The following NRXN1 variants were observed in gnomAD, a reference collection of about 807,000 sequenced individuals.
The protein encoded by NRXN1 is neurexin-1.
Under a neutral mutation model 150.9 loss-of-function variants are expected in NRXN1, and 39 were observed. That is an observed-to-expected ratio of 0.26 (90% CI 0.20 to 0.34). The LOEUF is 0.34. NRXN1 is among the 10% of genes least tolerant of loss of function. The pLI, the probability that NRXN1 is intolerant of heterozygous loss-of-function variation, is 1.00. For synonymous variants in NRXN1, 924 were observed against 757.0 expected (o/e 1.22, Z -3.62); for missense variants, 1,815 against 1,949.9 (o/e 0.93, Z 1.30).
At chr2:50,353,071 C>CTCAAA (rs2078541606) in intron 17 of NRXN1, among the ~76,000 whole-genome samples, 1 of 152,138 alleles carries the variant, frequency 6.6e-6, no homozygotes, top group East Asian at 1.9e-4. Context: ...ACTCAAGTCA[C>CTCAAA]TCAAATTGAA....
chr2:51,028,117 C>G lies in NRXN1; in HGVS notation c.157G>C (p.Glu53Gln), dbSNP rs1323402886. ...CGAGTCTTGAGCTGGAAGCTCATCT[C>G]GCTCTCGCAGCAGGCGTTCCACTTG... Reference protein sequence around the residue: ...FPKWNACCESEMSFQLKTRSA... With the variant: ...FPKWNACCESQMSFQLKTRSA... Residue 53 changes from glutamate (E) to glutamine (Q), a missense_variant, in exon 2 of 23, where the codon GAG (glutamate) becomes CAG (glutamine). Transcript: ENST00000401669. 1 of 1,574,028 alleles carries G rather than the reference C, an allele frequency of 6.4e-7. No individual in the cohort carries two copies. Among genetic ancestry groups the G allele is most frequent in the East Asian group, 2.3e-5 (1 of 43,520 alleles).
chr2:50,202,411 C>G (rs1408115349), intron 18 of NRXN1, among the ~76,000 whole-genome samples: 6 of 152,018 alleles, frequency 3.9e-5, no homozygotes, highest in Admixed American at 6.6e-5. Context: ...GAGACTAAGG[C>G]AGGAGAATTG....
chr2:50,504,285 G>A lies in NRXN1; in HGVS notation c.2497+2210C>T, dbSNP rs192287330. The stretch of plus-strand genomic sequence containing the variant: ...ATTAGAAAAATAAATTGTTATCTAT[G>A]CAAACTTTACTGAAGTCAGTGGCTT... On this transcript the variant is annotated intron_variant, in intron 13 of 22. Coordinates refer to ENST00000401669, the MANE Select transcript of NRXN1 (RefSeq NM_001330078.2). Among the ~76,000 whole-genome samples the A allele has an allele frequency of 3.7e-3, 569 of 152,204 alleles. 13 individuals are homozygous for A. The highest frequency in any genetic ancestry group is 0.032 in the Admixed American group (487 of 15,272).
intron 5 of NRXN1, among the ~76,000 whole-genome samples, chr2:50,775,197 A>T (rs917451612): frequency 1.3e-5 from 2 of 152,090 alleles, no homozygotes; most frequent in Non-Finnish European, 2.9e-5. Context: ...CCTTCAAATA[A>T]TACTGTCTAT....
At position 50,558,612 on chromosome 2, in the gene NRXN1, A is replaced by G. The variant is rs186900047; in HGVS notation, c.1321-5587T>C. ...GGCCTATTTCTGTTTCCAAGATGAT[A>G]TTGTAGTTTTTCAACAGGTATGTCA... On this transcript the variant is annotated intron_variant, in intron 8 of 22. Coordinates refer to ENST00000401669, the MANE Select transcript of NRXN1 (RefSeq NM_001330078.2). Among the ~76,000 whole-genome samples, 63 of 152,300 alleles carry G rather than the reference A, an allele frequency of 4.1e-4. No homozygotes were observed. The East Asian group carries it at 0.011, about 26-fold the overall frequency.
intron 5 of NRXN1, among the ~76,000 whole-genome samples, chr2:50,829,074 C>T (rs1022499989): frequency 2.0e-5 from 3 of 152,126 alleles, no homozygotes; most frequent in Admixed American, 6.5e-5. Context: ...CAAAAAAATA[C>T]GAAAACCAGT....
chr2:51,026,426 A>G (rs752970470), intron 2 of NRXN1: 1 of 1,605,428 alleles, frequency 6.2e-7, no homozygotes, highest in Non-Finnish European at 8.5e-7. Context: ...GGTCATTGTC[A>G]TGTAACAGCA....
chr2:50,303,657 G>T (rs2152956664), intron 17 of NRXN1, among the ~76,000 whole-genome samples: 1 of 152,136 alleles, frequency 6.6e-6, no homozygotes. Context: ...TATTTGATAA[G>T]CAGAATACAC....
intron 5 of NRXN1, among the ~76,000 whole-genome samples, chr2:50,833,970 A>G (rs1221448856): frequency 6.6e-6 from 1 of 152,230 alleles, no homozygotes; most frequent in Non-Finnish European, 1.5e-5. Context: ...TAAAAATTAC[A>G]TAAAAACAAA....
At chr2:51,011,347 TC>T (rs1667830294) in intron 2 of NRXN1, among the ~76,000 whole-genome samples, 1 of 152,038 alleles carries the variant, frequency 6.6e-6, no homozygotes, top group South Asian at 2.1e-4. Flanking sequence ...GTGTAAGTGC[TC>T]CCCTGGGGAC....
chr2:50,504,098 G>C lies in NRXN1; in HGVS notation c.2497+2397C>G, dbSNP rs527472409. ...GTGATGAAAAACAAATAAAGTTTAT[G>C]GAAATGTTCTAGATTAAAGGAGGCT... On this transcript the variant is annotated intron_variant, in intron 13 of 22. Transcript: ENST00000401669. Among the ~76,000 whole-genome samples, 6 of 145,356 alleles carry C rather than the reference G, an allele frequency of 4.1e-5. No individual in the cohort carries two copies. In the East Asian group the frequency reaches 6.2e-4, roughly 15 times the overall value.
chr2:50,392,174 A>G (rs1262790748), intron 17 of NRXN1, among the ~76,000 whole-genome samples: 1 of 152,146 alleles, frequency 6.6e-6, no homozygotes, highest in African/African-American at 2.4e-5. Context: ...AATTCATCAA[A>G]CCAAACTTAT....
At chr2:50,633,313 T>A (rs1042073750) in intron 5 of NRXN1, among the ~76,000 whole-genome samples, 6 of 152,108 alleles carry the variant, frequency 3.9e-5, no homozygotes, top group Admixed American at 3.3e-4. Context: ...TCCTATGTTT[T>A]AAAAAAGAAT....
In NRXN1 at chr2:50,734,724, A is replaced by G. The variant is rs573204524; in HGVS notation, c.833-111109T>C. ...CATTTCTCACTAGGAAAAAAAAAAA[A>G]TAAAGCAAACATATACACATAACCC... On this transcript the variant is annotated intron_variant, in intron 5 of 22. Transcript: ENST00000401669. Among the ~76,000 whole-genome samples the G allele has an allele frequency of 7.2e-5, 11 of 152,190 alleles. No individual in the cohort carries two copies. The East Asian group carries it at 1.5e-3, about 21-fold the overall frequency.
At chr2:50,466,558 C>T (rs1198427021) in intron 16 of NRXN1, 1 of 449,420 alleles carries the variant, frequency 2.2e-6, no homozygotes, top group African/African-American at 2.0e-5. Flanking sequence ...ATGGGGCAAA[C>T]ACAGAAGAAT....
chr2:50,474,839 C>CCCCCCAAAAA (rs1558795095), intron 15 of NRXN1, among the ~76,000 whole-genome samples: 1 of 108,850 alleles, frequency 9.2e-6, no homozygotes, highest in Non-Finnish European at 1.8e-5. Context: ...GCCCCCCTAC[C>CCCCCCAAAAA]AAAAAAAAAA....
chr2:50,991,824 T>C (rs1269660387), intron 2 of NRXN1, among the ~76,000 whole-genome samples: 1 of 152,054 alleles, frequency 6.6e-6, no homozygotes, highest in Non-Finnish European at 1.5e-5. Context: ...AATACAAGCT[T>C]TTTATTGTTA....
At chr2:51,030,839 A>G (rs1407308600) in intron 1 of NRXN1, among the ~76,000 whole-genome samples, 17 of 152,102 alleles carry the variant, frequency 1.1e-4, no homozygotes, top group Admixed American at 1.1e-3. Context: ...GATCAAGAGT[A>G]GTGCTTTGAA....
intron 5 of NRXN1, among the ~76,000 whole-genome samples, chr2:50,831,688 G>A (rs976151798): frequency 6.6e-6 from 1 of 152,116 alleles, no homozygotes; most frequent in African/African-American, 2.4e-5. Flanking sequence ...TTAAAACATG[G>A]ACGTTACACC....
Sources: gnomAD v4.1 joint callset for allele counts (sites outside exome capture counted in the v4.1 genomes callset) on GRCh38, gnomAD v4.1.1 for gene constraint, MANE v1.5 for transcripts, NCBI Gene and HGNC (gene_info 2026-07-23, HGNC 2026-07-21) for gene names.